Variants in ACTN1 observed in about 807,000 individuals in gnomAD.
ACTN1 encodes the protein alpha-actinin-1.
A neutral mutation model predicts 119.6 loss-of-function variants in ACTN1; 30 were observed. The observed-to-expected ratio is 0.25, with a 90% CI of 0.19 to 0.34. ACTN1 has a LOEUF of 0.34. Ranked by LOEUF, ACTN1 falls within the 10% of genes least tolerant of loss-of-function variation. ACTN1 has a pLI of 1.00. For missense variants in ACTN1, 764 were observed against 1,223.4 expected, an observed-to-expected ratio of 0.62 and a Z score of 5.60; for synonymous variants, 429 against 472.6, an observed-to-expected ratio of 0.91 and a Z score of 1.20.
chr14:68,884,897 A>T lies in ACTN1; in HGVS notation c.1386-14T>A. ...TAGTCCAGCTCACTGGGGAGGGAAGAGACAAGGAAGTCAGGGGACCCAGGT... is the reference window on the plus strand; with the variant it reads ...TAGTCCAGCTCACTGGGGAGGGAAGTGACAAGGAAGTCAGGGGACCCAGGT... On this transcript the variant is annotated splice_polypyrimidine_tract_variant and intron_variant, in intron 12 of 21. Transcript: ENST00000394419. 1.3e-6 allele frequency: 2 copies of T among 1,597,530 alleles called. No individual in the cohort carries two copies. Among genetic ancestry groups the T allele is most frequent in the Non-Finnish European group, 1.7e-6 (2 of 1,164,932 alleles).
chr14:68,880,421 T>C lies in ACTN1; in HGVS notation c.2134-313A>G, dbSNP rs1414356159. Among the ~76,000 whole-genome samples the C allele has an allele frequency of 3.3e-5, 5 of 151,334 alleles. No homozygotes were observed. Among genetic ancestry groups the C allele is most frequent in the African/African-American group, 1.2e-4 (5 of 40,956 alleles). On this transcript the variant is annotated intron_variant, in intron 17 of 21. Transcript: ENST00000394419. The surrounding 1 kb of genome is among the most constrained non-coding windows in gnomAD (Gnocchi z 4.6). ...AAGATTGAGACAAAAAAATGTGTGA[T>C]TCCCCGAACCTCCAACCCCACAGCC...
intron 1 of ACTN1, among the ~76,000 whole-genome samples, chr14:68,972,772 G>A (rs2036930765): frequency 6.6e-6 from 1 of 152,224 alleles, no homozygotes; most frequent in South Asian, 2.1e-4. Flanking sequence ...CTGGCTGCGT[G>A]GGCCTGGAGG....
chr14:68,910,535 T>C (rs1450824142), intron 4 of ACTN1, among the ~76,000 whole-genome samples: 1 of 152,224 alleles, frequency 6.6e-6, no homozygotes, highest in Admixed American at 6.5e-5. Context: ...TTATATTTAC[T>C]GCACGGATCA....
At chr14:68,977,893 G>A (rs1466623549) in intron 1 of ACTN1, 1 of 454,370 alleles carries the variant, frequency 2.2e-6, no homozygotes, top group African/African-American at 2.0e-5. Context: ...GCAGCCGGGA[G>A]GAGGGGGAGG....
chr14:68,930,165 C>A (rs1468709293), intron 1 of ACTN1, among the ~76,000 whole-genome samples: 1 of 152,220 alleles, frequency 6.6e-6, no homozygotes, highest in Non-Finnish European at 1.5e-5. Context: ...AGACACACTG[C>A]AATGTTTCTT....
At chr14:68,959,259 T>C (rs1036050848) in intron 1 of ACTN1, among the ~76,000 whole-genome samples, 2 of 152,228 alleles carry the variant, frequency 1.3e-5, no homozygotes, top group African/African-American at 4.8e-5. Context: ...TCGAGTTCAT[T>C]GCCTCAGCTC....
At position 68,879,799 on chromosome 14, in the gene ACTN1, G is replaced by A; in HGVS notation, c.2280+163C>T. ...TGGGGCACCAACACAGGTTTTCCAAGGCTGGTTTTGCAGGGTGCATTGAGT... is the reference window on the plus strand; with the variant it reads ...TGGGGCACCAACACAGGTTTTCCAAAGCTGGTTTTGCAGGGTGCATTGAGT... On this transcript the variant is annotated intron_variant, in intron 18 of 21. Coordinates refer to ENST00000394419, the MANE Select transcript of ACTN1 (RefSeq NM_001130004.2). The surrounding 1 kb of genome is among the most constrained non-coding windows in gnomAD (Gnocchi z 4.9). 1 of 966,584 alleles carries A rather than the reference G, an allele frequency of 1.0e-6. No individual in the cohort carries two copies. The highest frequency in any genetic ancestry group is 3.2e-4 in the Middle Eastern group (1 of 3,148). 59.9% of individuals were successfully genotyped at this position (966,584 alleles called of 1,614,324 possible).
At chr14:68,930,152 G>A (rs374703034) in intron 1 of ACTN1, among the ~76,000 whole-genome samples, 1 of 152,188 alleles carries the variant, frequency 6.6e-6, no homozygotes, top group African/African-American at 2.4e-5. Flanking sequence ...CCCAAGCTCA[G>A]ACAGACACAC....
chr14:68,896,173 G>A (rs947868209), intron 8 of ACTN1, among the ~76,000 whole-genome samples: 1 of 152,106 alleles, frequency 6.6e-6, no homozygotes, highest in East Asian at 1.9e-4. Flanking sequence ...TTACCTTCAG[G>A]AAGCAGGTTC....
In ACTN1 at chr14:68,910,721, C is replaced by T. The variant is rs2033958212; in HGVS notation, c.428-679G>A. ...TCTTGAATTGTAGCTCCCATAATTC[C>T]CACGTGTTGTGGGAGAGAGACGGTG... On this transcript the variant is annotated intron_variant, in intron 4 of 21. Transcript: ENST00000394419. Among the ~76,000 whole-genome samples, 3 of 152,222 alleles carry T rather than the reference C, an allele frequency of 2.0e-5. No homozygotes were observed. In the East Asian group the frequency reaches 5.8e-4, roughly 29 times the overall value.
In ACTN1 at chr14:68,878,205, G is replaced by C. The variant is rs748292747; in HGVS notation, c.2427+253C>G. ...AGGGTCAGCCCAGCTGTCCACAGTG[G>C]GAGTGAGAAGTACCAGAAGATGAAG... On this transcript the variant is annotated intron_variant, in intron 20 of 21. Coordinates refer to ENST00000394419, the MANE Select transcript of ACTN1 (RefSeq NM_001130004.2). The surrounding 1 kb of genome is among the most constrained non-coding windows in gnomAD (Gnocchi z 4.4). 4.5e-6 allele frequency: 2 copies of C among 447,294 alleles called. No homozygotes were observed. Among genetic ancestry groups the C allele is most frequent in the Middle Eastern group, 5.8e-4 (1 of 1,720 alleles). 27.7% of individuals were successfully genotyped at this position (447,294 alleles called of 1,614,324 possible). A position where few individuals can be genotyped will look rare whatever the true frequency, so the allele number is the denominator to read the frequency against.
chr14:68,891,584 T>C (rs118177894), intron 10 of ACTN1, among the ~76,000 whole-genome samples: 2,430 of 152,316 alleles, frequency 0.016, 63 homozygotes, highest in Non-Finnish European at 0.017. Flanking sequence ...TTTCAGTAAT[T>C]TCCATGTTCT....
intron 8 of ACTN1, among the ~76,000 whole-genome samples, chr14:68,897,990 T>A (rs997480047): frequency 1.3e-4 from 20 of 152,332 alleles, no homozygotes; most frequent in African/African-American, 4.8e-4. Flanking sequence ...TTGCTAAGCC[T>A]TCCCCCCACA....
intron 10 of ACTN1, among the ~76,000 whole-genome samples, chr14:68,890,908 C>A (rs1468776493): frequency 6.6e-6 from 1 of 152,192 alleles, no homozygotes; most frequent in Non-Finnish European, 1.5e-5. Flanking sequence ...TGGGGCTGCA[C>A]CCTGCAAGCC....
At chr14:68,978,211 G>A (rs1450530789) in intron 1 of ACTN1, 1 of 456,254 alleles carries the variant, frequency 2.2e-6, no homozygotes, top group Non-Finnish European at 4.4e-6. Context: ...GAACCGAGCT[G>A]CCCACCTTTC....
intron 1 of ACTN1, among the ~76,000 whole-genome samples, chr14:68,971,157 G>C (rs1005537019): frequency 6.6e-6 from 1 of 152,138 alleles, no homozygotes; most frequent in African/African-American, 2.4e-5. Context: ...GCCTAATCTT[G>C]GTCAAGTTTC....
At chr14:68,960,068 A>G (rs535973517) in intron 1 of ACTN1, among the ~76,000 whole-genome samples, 2 of 152,340 alleles carry the variant, frequency 1.3e-5, no homozygotes, top group African/African-American at 4.8e-5. Flanking sequence ...CAGTAAGTGG[A>G]AGTGGATCAT....
At chr14:68,923,327 G>A (rs1354871376) in intron 2 of ACTN1, among the ~76,000 whole-genome samples, 1 of 152,188 alleles carries the variant, frequency 6.6e-6, no homozygotes, top group South Asian at 2.1e-4. Flanking sequence ...TATAGGTGCT[G>A]GGGAGCTGGG....
intron 4 of ACTN1, 36 bp downstream of exon 4, chr14:68,912,120 A>C: frequency 6.2e-7 from 1 of 1,600,752 alleles, no homozygotes; most frequent in Non-Finnish European, 8.6e-7. Context: ...GGGAGACGAG[A>C]TGGTGATGGC....
Sources: allele counts gnomAD v4.1 joint callset (sites outside exome capture counted in the v4.1 genomes callset), GRCh38; gene constraint gnomAD v4.1.1; non-coding constraint Gnocchi (gnomAD v3.1); transcripts MANE v1.5; gene names NCBI Gene and HGNC (gene_info 2026-07-23, HGNC 2026-07-21).